METTL8: variants seen among roughly 807,000 people sequenced by gnomAD.
METTL8 encodes the protein methyltransferase 8, tRNA N3-cytidine, also known as tRNA N(3)-cytidine methyltransferase METTL8, mitochondrial.
Under a neutral mutation model 48.7 loss-of-function variants are expected in METTL8, and 32 were observed. The ratio of observed to expected loss-of-function variants is 0.66; its 90% CI spans 0.50 to 0.88. The LOEUF (loss-of-function observed/expected upper bound fraction) is 0.88, where lower values mean the gene tolerates loss of function less well. Among genes scored for constraint, METTL8 ranks in the 40% least tolerant of loss-of-function variants. METTL8 has a pLI of 0.00. For missense variants in METTL8, 464 were observed against 474.4 expected, an observed-to-expected ratio of 0.98 and a Z score of 0.20; for synonymous variants, 136 against 157.1, an observed-to-expected ratio of 0.87 and a Z score of 1.01.
intron 4 of METTL8, among the ~76,000 whole-genome samples, chr2:171,338,911 T>C (rs17285260): frequency 0.3 from 45,000 of 152,024 alleles, 7,673 homozygotes; most frequent in East Asian, 0.65. Context: ...CAAAGCTTCA[T>C]TGGTACTTAA....
intron 2 of METTL8, among the ~76,000 whole-genome samples, chr2:171,362,595 A>AATCAATC (rs1559112516): frequency 6.6e-6 from 1 of 151,168 alleles, no homozygotes; most frequent in African/African-American, 2.4e-5. Context: ...ATAAATAAAT[A>AATCAATC]AATAAATCAA....
chr2:171,351,324 C>G (rs1683888669), intron 3 of METTL8, among the ~76,000 whole-genome samples: 1 of 152,018 alleles, frequency 6.6e-6, no homozygotes, highest in African/African-American at 2.4e-5. Context: ...TGGTCTATAT[C>G]TCTGTTTTGG....
At chr2:171,324,640 G>A (rs1311516869) in intron 9 of METTL8, among the ~76,000 whole-genome samples, 1 of 152,200 alleles carries the variant, frequency 6.6e-6, no homozygotes, top group Non-Finnish European at 1.5e-5. Context: ...ATTTTGAAAG[G>A]TGCTCCCTTT....
chr2:171,360,340 G>C (rs955992572), intron 3 of METTL8, 82 bp downstream of exon 3: 8 of 1,154,188 alleles, frequency 6.9e-6, no homozygotes, highest in Non-Finnish European at 8.8e-6. Context: ...GAGAGGCTAA[G>C]AACTCTCAGA....
intron 1 of METTL8, among the ~76,000 whole-genome samples, chr2:171,422,999 G>A (rs984744859): frequency 6.6e-6 from 1 of 152,210 alleles, no homozygotes; most frequent in African/African-American, 2.4e-5. Context: ...GAGGGACACA[G>A]TGGGAGGTAA....
chr2:171,337,542 G>T, intron 4 of METTL8, 40 bp from the exon 5 acceptor site: 1 of 1,546,896 alleles, frequency 6.5e-7, no homozygotes, highest in Non-Finnish European at 8.8e-7. Context: ...AAAAAGCAAG[G>T]TTAAATTTTT....
chr2:171,395,590 G>C lies in METTL8; in HGVS notation c.-12-3393C>G, dbSNP rs564559289. On this transcript the variant is annotated intron_variant, in intron 1 of 9. Coordinates refer to ENST00000375258, the MANE Select transcript of METTL8 (RefSeq NM_001321154.2). ...ACTTCAATGAAAAGACTATTATAGA[G>C]ATAAAGAGGGGCATTTAATAATGAT... Among the ~76,000 whole-genome samples, 10 of 152,270 alleles carry C rather than the reference G, an allele frequency of 6.6e-5. No homozygotes were observed. The East Asian group carries it at 1.9e-3, about 29-fold the overall frequency.
intron 2 of METTL8, among the ~76,000 whole-genome samples, chr2:171,378,912 T>C (rs111430843): frequency 1.2e-4 from 19 of 152,312 alleles, no homozygotes; most frequent in African/African-American, 4.1e-4. Flanking sequence ...GCGGAACTGA[T>C]GGATATCTAC....
chr2:171,418,477 C>T (rs1025199528), intron 1 of METTL8, among the ~76,000 whole-genome samples: 1 of 152,172 alleles, frequency 6.6e-6, no homozygotes, highest in Admixed American at 6.5e-5. Flanking sequence ...AGAATATCTA[C>T]ACAAAATATT....
At chr2:171,388,598 A>C (rs1006550725) in intron 2 of METTL8, among the ~76,000 whole-genome samples, 8 of 152,176 alleles carry the variant, frequency 5.3e-5, no homozygotes, top group African/African-American at 1.9e-4. Context: ...TGTGTCAGGC[A>C]TTGTGCTATG....
At chr2:171,356,952 A>ATGTTTTGTTTTTTTTTT in intron 3 of METTL8, among the ~76,000 whole-genome samples, 1 of 78,468 alleles carries the variant, frequency 1.3e-5, no homozygotes, top group Non-Finnish European at 2.4e-5. Context: ...CAAAGACAAT[A>ATGTTTTGTTTTTTTTTT]TTTTTTTTTT....
At chr2:171,383,885 A>G (rs1687804037) in intron 2 of METTL8, among the ~76,000 whole-genome samples, 1 of 152,220 alleles carries the variant, frequency 6.6e-6, no homozygotes, top group African/African-American at 2.4e-5. Context: ...GAGTTTCTCA[A>G]AAACTTAAAC....
chr2:171,331,984 C>G, intron 5 of METTL8, 117 bp from the exon 6 acceptor site: 1 of 671,552 alleles, frequency 1.5e-6, no homozygotes, highest in Non-Finnish European at 2.6e-6. Flanking sequence ...CTCCTGGACT[C>G]TAGCGATCTT....
chr2:171,360,639 G>C, intron 2 of METTL8, 126 bp from the exon 3 acceptor site: 2 of 729,128 alleles, frequency 2.7e-6, no homozygotes, highest in Non-Finnish European at 4.4e-6. Flanking sequence ...ATTCCACATG[G>C]AATGAATACA....
chr2:171,409,703 G>A (rs1016301127), intron 1 of METTL8, among the ~76,000 whole-genome samples: 1 of 152,160 alleles, frequency 6.6e-6, no homozygotes, highest in African/African-American at 2.4e-5. Context: ...AGGTGGTCAG[G>A]GACGCGGCAG....
chr2:171,419,548 G>C (rs1691669269), intron 1 of METTL8, among the ~76,000 whole-genome samples: 1 of 152,048 alleles, frequency 6.6e-6, no homozygotes, highest in African/African-American at 2.4e-5. Context: ...ACCCCATACT[G>C]CCACAGGAAA....
At chr2:171,341,146 G>T (rs900227608) in intron 3 of METTL8, among the ~76,000 whole-genome samples, 1 of 151,876 alleles carries the variant, frequency 6.6e-6, no homozygotes, top group African/African-American at 2.4e-5. Context: ...TGACCAACAT[G>T]GTGAAACCCC....
chr2:171,390,234 C>T (rs1688461950), intron 2 of METTL8, among the ~76,000 whole-genome samples: 1 of 152,156 alleles, frequency 6.6e-6, no homozygotes, highest in South Asian at 2.1e-4. Flanking sequence ...AAAAGAATTC[C>T]TTGCAAAATA....
intron 7 of METTL8, among the ~76,000 whole-genome samples, chr2:171,330,355 A>T (rs1354558780): frequency 6.6e-6 from 1 of 152,226 alleles, no homozygotes; most frequent in Non-Finnish European, 1.5e-5. Context: ...CAGTGACAGA[A>T]AGCTCATTAA....
Sources: allele counts gnomAD v4.1 joint callset (sites outside exome capture counted in the v4.1 genomes callset), GRCh38; gene constraint gnomAD v4.1.1; transcripts MANE v1.5; gene names NCBI Gene and HGNC (gene_info 2026-07-23, HGNC 2026-07-21).